Variants in TSPYL2 observed in about 807,000 individuals in gnomAD.
The protein encoded by TSPYL2 is TSPY like 2.
Under a neutral mutation model 33.0 loss-of-function variants are expected in TSPYL2, and 9 were observed. That is an observed-to-expected ratio of 0.27 (90% CI 0.16 to 0.48). TSPYL2 has a LOEUF of 0.48. Ranked by LOEUF, TSPYL2 falls within the 20% of genes least tolerant of loss-of-function variation. TSPYL2 has a pLI of 0.99. For synonymous variants in TSPYL2, 330 were observed against 233.6 expected, an observed-to-expected ratio of 1.41 and a Z score of -3.77; for missense variants, 636 against 586.2, an observed-to-expected ratio of 1.08 and a Z score of -0.88.
chrX:53,085,052 A>G lies in TSPYL2; in HGVS notation c.1096A>G (p.Ser366Gly). 3.3e-6 allele frequency: 4 copies of G among 1,211,516 alleles called. No individual in the cohort carries two copies. The highest frequency in any genetic ancestry group is 2.3e-4 in the Middle Eastern group (1 of 4,352). The change falls in exon 4 of 7, where the codon AGC becomes GGC. Residue 366 changes from serine (S) to glycine (G), a missense_variant. Ser to Gly is a moderately conservative substitution (Grantham distance 56). Transcript: ENST00000375442. ...GNQDASHSFF[S>G]WFSNHSLPEA... The stretch of plus-strand genomic sequence containing the variant: ...CCAGGATGCGAGCCACAGCTTTTTC[A>G]GCTGGTTCTCAAACCATAGCCTCCC...
chrX:53,087,859 TC>T lies in TSPYL2; in HGVS notation c.2003del (p.Ser668TrpfsTer6), dbSNP rs1301764578. The T allele has an allele frequency of 5.0e-6, 6 of 1,210,051 alleles. No homozygotes were observed. The highest frequency in any genetic ancestry group is 3.5e-5 in the African/African-American group (2 of 57,239). On this transcript the variant is annotated frameshift_variant, in exon 7 of 7. Coordinates refer to ENST00000375442, the MANE Select transcript of TSPYL2 (RefSeq NM_022117.4). LOFTEE classifies it high-confidence loss of function. ...AGATGTCTGGGAAGAAGGGGAAGAT[TC>T]GGACGACTCTGACCTAGAGGATGTG... ...SEDVWEEGED[S>X]DDSDLEDVLQ...
In TSPYL2 at chrX:53,085,670, C is replaced by T. The variant is rs186095471; in HGVS notation, c.1278C>T (p.Asp426=). ...GATGTGAGGTGGTGATCATGGAAGACGCCCCTGACTATTATGCAGTGGAAG... is the reference window on the plus strand; with the variant it reads ...GATGTGAGGTGGTGATCATGGAAGATGCCCCTGACTATTATGCAGTGGAAG... The part of the protein sequence containing the change: ...RGRCEVVIME[D]APDYYAVEDI... The change falls in exon 6 of 7, where the codon GAC becomes GAT. Residue 426 remains aspartate, a synonymous_variant. Transcript: ENST00000375442. The T allele has an allele frequency of 1.0e-4, 121 of 1,210,177 alleles. 1 individual carries two copies. The highest frequency in any genetic ancestry group is 1.7e-4 in the African/African-American group (10 of 57,172).
chrX:53,082,838 A>G lies in TSPYL2; in HGVS notation c.340A>G (p.Ser114Gly), dbSNP rs1556807317. The G allele has an allele frequency of 3.3e-6, 4 of 1,204,290 alleles. No individual in the cohort carries two copies. Among genetic ancestry groups the G allele is most frequent in the Non-Finnish European group, 4.5e-6 (4 of 892,680 alleles). ...TGGGGAGGCGCCCCCGCCCACGGAG[A>G]GCCTGGAAGCACTCCCCACTCCTGA... ...GYGEAPPPTE[S>G]LEALPTPEAS... Residue 114 changes from serine to glycine, a missense_variant, in exon 1 of 7, where the codon AGC becomes GGC. By Grantham distance (56) the Ser-to-Gly change is moderately conservative. This residue lies in a region of TSPYL2 where 231 missense variants were observed against 201.6 expected (regional missense o/e 1.15). Coordinates refer to ENST00000375442, the MANE Select transcript of TSPYL2 (RefSeq NM_022117.4).
intron 6 of TSPYL2, chrX:53,087,504 A>AT: frequency 2.8e-6 from 1 of 355,718 alleles, no homozygotes; most frequent in Non-Finnish European, 5.0e-6. Flanking sequence ...TACAAGGGGG[A>AT]GAAAAAGCTA....
rs782061389 is a variant in TSPYL2, at chrX:53,086,325, C to CA, written c.1918+15_1918+16insA. On this transcript the variant is annotated intron_variant, in intron 6 of 6. Transcript: ENST00000375442. Reference sequence around the variant, plus strand: ...CATTGAGGAAGGTGAGCTAATCCCCCCCCACCCTTGTCTTCCCTCTTTTCT... The same window carrying CA: ...CATTGAGGAAGGTGAGCTAATCCCCCACCCACCCTTGTCTTCCCTCTTTTCT... The CA allele has an allele frequency of 8.7e-7, 1 of 1,149,743 alleles. No homozygotes were observed. Among genetic ancestry groups the CA allele is most frequent in the African/African-American group, 2.1e-5 (1 of 47,640 alleles). The allele number at this position is 1,149,743 out of a possible 1,213,427, so 94.8% of individuals were successfully genotyped here.
Position 53,082,403 on chromosome X carries a change from T to C in TSPYL2, c.-96T>C, listed in dbSNP as rs1187282465. The stretch of plus-strand genomic sequence containing the variant: ...GTGAGGAGAGCTGGTTGCGTGAGTC[T>C]CCTCAGCTCTGCTTACCGGTGCGAC... On this transcript the variant is annotated 5_prime_UTR_variant, in exon 1 of 7. Transcript: ENST00000375442. 3 of 862,576 alleles carry C rather than the reference T, an allele frequency of 3.5e-6. No individual in the cohort carries two copies. Among genetic ancestry groups the C allele is most frequent in the East Asian group, 3.8e-5 (1 of 26,233 alleles). The allele number at this position is 862,576 out of a possible 1,213,427, so 71.1% of individuals were successfully genotyped here.
intron 6 of TSPYL2, chrX:53,087,466 A>G: frequency 4.1e-6 from 1 of 243,344 alleles, no homozygotes; most frequent in Non-Finnish European, 7.5e-6. Context: ...CTGAGGTCAG[A>G]GCTCAGGAAG....
Position 53,082,587 on chromosome X carries a change from C to T in TSPYL2, c.89C>T (p.Pro30Leu), listed in dbSNP as rs1002926853. The T allele has an allele frequency of 1.3e-5, 15 of 1,151,302 alleles. No homozygotes were observed. The highest frequency in any genetic ancestry group is 1.1e-4 in the Admixed American group (4 of 38,056). 94.9% of individuals were successfully genotyped at this position (1,151,302 alleles called of 1,213,427 possible). A position where few individuals can be genotyped will look rare whatever the true frequency, so the allele number is the denominator to read the frequency against. Residue 30 changes from proline (P) to leucine (L), a missense_variant, in exon 1 of 7, where the codon CCG becomes CTG. Pro to Leu is a moderately conservative substitution (Grantham distance 98). Coordinates refer to ENST00000375442, the MANE Select transcript of TSPYL2 (RefSeq NM_022117.4). ...CAGCGCGACCCGCCCCCGCCGCCGC[C>T]GCCGCCGCCGCTCCTCCGACTGCCG... ...SPQRDPPPPP[P>L]PPPLLRLPLP...
In TSPYL2 at chrX:53,082,582, G is replaced by C. The variant is rs887205918; in HGVS notation, c.84G>C (p.Pro28=). ...CTCCACAGCGCGACCCGCCCCCGCCGCCGCCGCCGCCGCCGCTCCTCCGAC... is the reference window on the plus strand; with the variant it reads ...CTCCACAGCGCGACCCGCCCCCGCCCCCGCCGCCGCCGCCGCTCCTCCGAC... ...SESPQRDPPP[P]PPPPPLLRLP... Residue 28 remains proline, a synonymous_variant, in exon 1 of 7, where the codon CCG becomes CCC. Transcript: ENST00000375442. 13 of 1,144,354 alleles carry C rather than the reference G, an allele frequency of 1.1e-5. No homozygotes were observed. Among genetic ancestry groups the C allele is most frequent in the South Asian group, 5.8e-5 (3 of 51,683 alleles). 94.3% of individuals were successfully genotyped at this position (1,144,354 alleles called of 1,213,427 possible). A position where few individuals can be genotyped will look rare whatever the true frequency, so the allele number is the denominator to read the frequency against.
Position 53,086,253 on chromosome X carries a change from G to C in TSPYL2, c.1861G>C (p.Glu621Gln). The change falls in exon 6 of 7, where the codon GAG becomes CAG. Residue 621 changes from glutamate to glutamine, a missense_variant. This residue lies in a region of TSPYL2 where 401 missense variants were observed against 363.0 expected (regional missense o/e 1.10). Coordinates refer to ENST00000375442, the MANE Select transcript of TSPYL2 (RefSeq NM_022117.4). The stretch of plus-strand genomic sequence containing the variant: ...CTTTGACAAGGATCAGGCTGACTAC[G>C]AGGACGTGATAGAGATCATCTCAGA... Reference protein sequence around the residue: ...EDFDKDQADYEDVIEIISDES... With the variant: ...EDFDKDQADYQDVIEIISDES... 1 of 1,211,655 alleles carries C rather than the reference G, an allele frequency of 8.3e-7. No individual in the cohort carries two copies. Among genetic ancestry groups the C allele is most frequent in the Non-Finnish European group, 1.1e-6 (1 of 895,500 alleles).
In TSPYL2 at chrX:53,085,804, A is replaced by T. The variant is rs1556808394; in HGVS notation, c.1412A>T (p.Asp471Val). 8.3e-7 allele frequency: 1 copy of T among 1,211,940 alleles called. No homozygotes were observed. Among genetic ancestry groups the T allele is most frequent in the Non-Finnish European group, 1.1e-6 (1 of 895,583 alleles). ...YFETTDNEIT[D>V]INENICDSEN... is the part of the protein sequence containing the mutation. ...GAGACCACTGACAATGAGATAACTG[A>T]CATCAATGAGAACATCTGCGACAGC... Residue 471 changes from aspartate (D) to valine (V), a missense_variant, in exon 6 of 7, where the codon GAC (aspartate) becomes GTC (valine). Transcript: ENST00000375442.
rs1374777393 is a variant in TSPYL2, at chrX:53,082,936, A to G, written c.438A>G (p.Leu146=). 1.7e-6 allele frequency: 2 copies of G among 1,208,630 alleles called. No homozygotes were observed. The highest frequency in any genetic ancestry group is 3.5e-5 in the African/African-American group (2 of 56,710). The change falls in exon 1 of 7, where the codon CTA becomes CTG. Residue 146 remains leucine (L), a synonymous_variant. Coordinates refer to ENST00000375442, the MANE Select transcript of TSPYL2 (RefSeq NM_022117.4). ...GCAGTTTTGGTGGAGAGGGGGCCCT[A>G]GAAACCTGTAGCGCAGTGGGGTGGG... The part of the protein sequence containing the change: ...QSSSFGGEGA[L]ETCSAVGWAP...
At chrX:53,087,656 C>T in intron 6 of TSPYL2, 120 bp from the exon 7 acceptor site, 1 of 747,539 alleles carries the variant, frequency 1.3e-6, no homozygotes, top group Non-Finnish European at 1.9e-6. Flanking sequence ...GAGGCGCTGA[C>T]AAGTTGTCCC....
chrX:53,085,088 A>G lies in TSPYL2; in HGVS notation c.1132A>G (p.Arg378Gly), dbSNP rs1556808077. 2.5e-6 allele frequency: 3 copies of G among 1,206,403 alleles called. No individual in the cohort carries two copies. The highest frequency in any genetic ancestry group is 1.8e-5 in the South Asian group (1 of 56,177). ...FSNHSLPEAD[R>G]IAEIIKNDLW... ...AAACCATAGCCTCCCAGAGGCTGACAGGATTGCTGAGGTGGGGCCCTTCCT... is the reference window on the plus strand; with the variant it reads ...AAACCATAGCCTCCCAGAGGCTGACGGGATTGCTGAGGTGGGGCCCTTCCT... The change falls in exon 4 of 7, where the codon AGG becomes GGG. Residue 378 changes from arginine (R) to glycine (G), a missense_variant. This residue lies in a region of TSPYL2 where 401 missense variants were observed against 363.0 expected (regional missense o/e 1.10). Transcript: ENST00000375442.
chrX:53,086,249 C>A lies in TSPYL2; in HGVS notation c.1857C>A (p.Asp619Glu), dbSNP rs782300852. 8.3e-7 allele frequency: 1 copy of A among 1,211,468 alleles called. No homozygotes were observed. The highest frequency in any genetic ancestry group is 1.8e-5 in the South Asian group (1 of 56,979). ...AAGACTTTGACAAGGATCAGGCTGA[C>A]TACGAGGACGTGATAGAGATCATCT... ...VIEDFDKDQA[D>E]YEDVIEIISD... Residue 619 changes from aspartate to glutamate, a missense_variant, in exon 6 of 7, where the codon GAC becomes GAA. By Grantham distance (45) the Asp-to-Glu change is conservative. Transcript: ENST00000375442.
chrX:53,087,584 C>G (rs1556809096), intron 6 of TSPYL2, 192 bp from the exon 7 acceptor site: 1 of 434,241 alleles, frequency 2.3e-6, no homozygotes, highest in Admixed American at 4.0e-5. Flanking sequence ...CTCCATCTCC[C>G]TCTCATTCTG....
intron 6 of TSPYL2, chrX:53,087,024 T>C (rs919221179): frequency 8.7e-6 from 1 of 114,631 alleles, no homozygotes; most frequent in Non-Finnish European, 1.8e-5. Context: ...CATATAGTAA[T>C]ACCCTCTTGT....
In TSPYL2 at chrX:53,087,868, T is replaced by A; in HGVS notation, c.2011T>A (p.Ser671Thr). The A allele has an allele frequency of 8.3e-7, 1 of 1,211,900 alleles. No homozygotes were observed. The highest frequency in any genetic ancestry group is 1.1e-6 in the Non-Finnish European group (1 of 895,448). The change falls in exon 7 of 7, where the codon TCT becomes ACT. Residue 671 changes from serine (S) to threonine (T), a missense_variant. By Grantham distance (58) the Ser-to-Thr change is moderately conservative (BLOSUM62 1). Transcript: ENST00000375442. Reference sequence around the variant, plus strand: ...GGAAGAAGGGGAAGATTCGGACGACTCTGACCTAGAGGATGTGCTTCAGGT... The same window carrying A: ...GGAAGAAGGGGAAGATTCGGACGACACTGACCTAGAGGATGTGCTTCAGGT... ...VWEEGEDSDD[S>T]DLEDVLQVPN...
chrX:53,083,406 G>C, intron 1 of TSPYL2, 101 bp downstream of exon 1: 2 of 820,448 alleles, frequency 2.4e-6, no homozygotes, highest in Non-Finnish European at 3.5e-6. Context: ...GAGAGCCAGA[G>C]GTGGGCATGA....
Sources: gnomAD v4.1 joint callset for allele counts on GRCh38, gnomAD v4.1.1 for gene constraint, gnomAD v4.1.1 regional missense constraint, MANE v1.5 for transcripts, NCBI Gene and HGNC (gene_info 2026-07-23, HGNC 2026-07-21) for gene names.